ADAP2: variants seen among roughly 807,000 people sequenced by gnomAD.
ADAP2 encodes the protein arf-GAP with dual PH domain-containing protein 2.
In ADAP2, 42 loss-of-function variants were observed where a neutral mutation model predicts 54.9. That is an observed-to-expected ratio of 0.77 (90% CI 0.60 to 0.99). ADAP2 has a LOEUF of 0.99. Among genes scored for constraint, ADAP2 ranks in the 50% least tolerant of loss-of-function variants. The pLI, the probability that ADAP2 is intolerant of heterozygous loss-of-function variation, is 0.00. For missense variants in ADAP2, 429 were observed against 480.4 expected (o/e 0.89, Z 1.00); for synonymous variants, 177 against 180.1 (o/e 0.98, Z 0.14).
Position 30,939,608 on chromosome 17 carries a change from A to G in ADAP2, c.511-5299A>G, listed in dbSNP as rs184019799. Among the ~76,000 whole-genome samples the G allele has an allele frequency of 1.3e-3, 205 of 152,018 alleles. 2 individuals carry two copies. In the East Asian group the frequency reaches 0.029, roughly 22 times the overall value. ...AACACGGTGAAATCCCGTCTCTACT[A>G]AAAATACAAAAACTTAGCTGGGCGT... is the stretch of plus-strand genomic sequence containing the variant. On this transcript the variant is annotated intron_variant, in intron 5 of 10. Coordinates refer to ENST00000330889, the MANE Select transcript of ADAP2 (RefSeq NM_018404.3).
intron 5 of ADAP2, among the ~76,000 whole-genome samples, chr17:30,937,075 G>A (rs758880164): frequency 5.9e-5 from 9 of 151,824 alleles, no homozygotes; most frequent in East Asian, 3.9e-4. Flanking sequence ...TTACAGGCGC[G>A]CACCACCATG....
chr17:30,944,488 A>T (rs1912505189), intron 5 of ADAP2, among the ~76,000 whole-genome samples: 2 of 151,964 alleles, frequency 1.3e-5, no homozygotes, highest in African/African-American at 4.8e-5. Context: ...AAATACAAAA[A>T]TTAGCCAGGT....
intron 5 of ADAP2, among the ~76,000 whole-genome samples, chr17:30,943,892 TAA>T: frequency 7.9e-6 from 1 of 127,224 alleles, no homozygotes; most frequent in East Asian, 2.0e-4. Context: ...AATAAATAAA[TAA>T]ATAAGAACCA....
rs1350607142 is a variant in ADAP2 at position 30,958,522 on chromosome 17, C to T, written c.*653C>T. On this transcript the variant is annotated 3_prime_UTR_variant, in exon 11 of 11. Transcript: ENST00000330889. ...TGTTCCTTTCCTCTGTCTTCAAGCA[C>T]CACGCAGAAATACACTGGATGTTCT... is the stretch of plus-strand genomic sequence containing the variant. 6.6e-6 allele frequency: 1 copy of T among 152,426 alleles called. No homozygotes were observed. The highest frequency in any genetic ancestry group is 1.5e-5 in the Non-Finnish European group (1 of 68,198). 9.4% of individuals were successfully genotyped at this position (152,426 alleles called of 1,614,324 possible). A position where few individuals can be genotyped will look rare whatever the true frequency, so the allele number is the denominator to read the frequency against.
At chr17:30,956,147 C>T in intron 9 of ADAP2, 94 bp from the exon 10 acceptor site, 3 of 1,104,696 alleles carry the variant, frequency 2.7e-6, no homozygotes, top group South Asian at 1.4e-5. Context: ...GACCTCATAC[C>T]CCTTTCCCAA....
At position 30,932,230 on chromosome 17, in the gene ADAP2, CTTTTTTTTTTTT is replaced by C. The variant is rs769096794; in HGVS notation, c.397+271_397+282del. Among the ~76,000 whole-genome samples, 2 of 118,952 alleles carry C rather than the reference CTTTTTTTTTTTT, an allele frequency of 1.7e-5. 1 individual carries two copies. The highest frequency in any genetic ancestry group is 3.4e-5 in the Non-Finnish European group (2 of 58,054). The allele number at this position is 118,952 out of a possible 152,430, so 78.0% of individuals were successfully genotyped here. On this transcript the variant is annotated intron_variant, in intron 4 of 10. Transcript: ENST00000330889. Reference sequence around the variant, plus strand: ...GCAGGGTCACAAGTGTGTACAGACTCTTTTTTTTTTTTTTTTTTTTGAGACAGGGTCTTACTC... The same window carrying C: ...GCAGGGTCACAAGTGTGTACAGACTCTTTTTTTTGAGACAGGGTCTTACTC...
intron 7 of ADAP2, 112 bp from the exon 8 acceptor site, chr17:30,953,176 G>A (rs528111044): frequency 2.3e-5 from 20 of 873,494 alleles, no homozygotes; most frequent in Middle Eastern, 3.0e-4. Flanking sequence ...TGTGAGCCAT[G>A]AGCGTACATC....
intron 6 of ADAP2, among the ~76,000 whole-genome samples, chr17:30,947,691 A>T (rs898951341): frequency 2.0e-5 from 3 of 152,188 alleles, no homozygotes; most frequent in African/African-American, 7.2e-5. Context: ...GAGAGCACAG[A>T]TCCCTGGAAT....
At chr17:30,951,755 A>G (rs1462319470) in intron 7 of ADAP2, among the ~76,000 whole-genome samples, 1 of 147,366 alleles carries the variant, frequency 6.8e-6, no homozygotes, top group African/African-American at 2.5e-5. Flanking sequence ...TCCCAGGTTC[A>G]CGCCATTCTC....
intron 6 of ADAP2, among the ~76,000 whole-genome samples, chr17:30,948,096 G>A (rs1022235126): frequency 1.3e-5 from 2 of 152,226 alleles, no homozygotes; most frequent in African/African-American, 4.8e-5. Context: ...TAAAAGGTGT[G>A]TGTGGGATGG....
intron 3 of ADAP2, among the ~76,000 whole-genome samples, chr17:30,928,388 C>T (rs1027576707): frequency 2.0e-5 from 3 of 151,516 alleles, no homozygotes; most frequent in Non-Finnish European, 2.9e-5. Flanking sequence ...CCCAGCTACT[C>T]GAGAGGCTGA....
intron 2 of ADAP2, 70 bp from the exon 3 acceptor site, chr17:30,926,757 A>G: frequency 7.3e-7 from 1 of 1,376,414 alleles, no homozygotes; most frequent in Non-Finnish European, 1.0e-6. Context: ...AGCCTAAGTC[A>G]GTGGCCTCAT....
At chr17:30,923,137 C>T (rs1910767575) in intron 2 of ADAP2, 67 bp downstream of exon 2, 1 of 1,578,306 alleles carries the variant, frequency 6.3e-7, no homozygotes, top group Non-Finnish European at 8.6e-7. Context: ...GGGCAGGGGG[C>T]TCCCATTCTA....
intron 2 of ADAP2, among the ~76,000 whole-genome samples, chr17:30,925,019 T>A (rs1205915020): frequency 6.6e-6 from 1 of 151,484 alleles, no homozygotes; most frequent in East Asian, 1.9e-4. Context: ...ATTACAGGCA[T>A]GCACCACCAT....
chr17:30,945,383 G>A (rs1200010184), intron 6 of ADAP2, among the ~76,000 whole-genome samples: 1 of 152,104 alleles, frequency 6.6e-6, no homozygotes, highest in Non-Finnish European at 1.5e-5. Context: ...AGGAACTGAT[G>A]GACAGTCAGG....
At chr17:30,937,291 G>C (rs879451695) in intron 5 of ADAP2, among the ~76,000 whole-genome samples, 1 of 149,748 alleles carries the variant, frequency 6.7e-6, no homozygotes, top group Non-Finnish European at 1.5e-5. Context: ...GTGTGATCTC[G>C]GCTCACTGCA....
intron 2 of ADAP2, among the ~76,000 whole-genome samples, chr17:30,924,253 G>A (rs2090289076): frequency 1.3e-5 from 2 of 151,900 alleles, no homozygotes. Flanking sequence ...TGCGCCTGTC[G>A]TCCCAGATAC....
intron 3 of ADAP2, among the ~76,000 whole-genome samples, chr17:30,931,283 G>A (rs746594341): frequency 6.6e-6 from 1 of 152,152 alleles, no homozygotes; most frequent in Non-Finnish European, 1.5e-5. Context: ...ATTTCCCCCA[G>A]AGGACATTTG....
intron 3 of ADAP2, 50 bp from the exon 4 acceptor site, chr17:30,931,839 A>G: frequency 6.8e-7 from 1 of 1,460,112 alleles, no homozygotes; most frequent in Non-Finnish European, 9.4e-7. Flanking sequence ...AAAAAAAAAA[A>G]AAAAAGAGAA....
Sources: gnomAD v4.1 joint callset for allele counts (sites outside exome capture counted in the v4.1 genomes callset) on GRCh38, gnomAD v4.1.1 for gene constraint, MANE v1.5 for transcripts, NCBI Gene and HGNC (gene_info 2026-07-23, HGNC 2026-07-21) for gene names.